Variants in ALK observed in about 807,000 individuals in gnomAD.
ALK encodes ALK tyrosine kinase receptor.
ALK carries 74 observed loss-of-function variants against 163.1 expected under a neutral mutation model. The ratio of observed to expected loss-of-function variants is 0.45; its 90% CI spans 0.38 to 0.55. The LOEUF is 0.55. Among genes scored for constraint, ALK ranks in the 20% least tolerant of loss-of-function variants. The pLI, the probability that ALK is intolerant of heterozygous loss-of-function variation, is 0.00. For missense variants in ALK, 2,063 were observed against 2,105.3 expected (o/e 0.98, Z 0.39); for synonymous variants, 960 against 843.2 (o/e 1.14, Z -2.40).
intron 3 of ALK, among the ~76,000 whole-genome samples, chr2:29,631,325 T>G (rs913228538): frequency 1.3e-5 from 2 of 152,272 alleles, no homozygotes; most frequent in African/African-American, 4.8e-5. Context: ...CACATCAGAT[T>G]AGAGCTGTAA....
intron 5 of ALK, among the ~76,000 whole-genome samples, chr2:29,368,190 T>C (rs1219130450): frequency 6.6e-6 from 1 of 152,188 alleles, no homozygotes; most frequent in Non-Finnish European, 1.5e-5. Flanking sequence ...TTGCTTGAGC[T>C]TGCCAGAGCT....
intron 4 of ALK, among the ~76,000 whole-genome samples, chr2:29,469,198 T>C (rs1364404178): frequency 6.6e-6 from 1 of 152,104 alleles, no homozygotes; most frequent in Non-Finnish European, 1.5e-5. Flanking sequence ...ACCTGGTCAA[T>C]GAGATAATGA....
intron 5 of ALK, among the ~76,000 whole-genome samples, chr2:29,336,301 G>C (rs1399018417): frequency 6.6e-6 from 1 of 152,160 alleles, no homozygotes; most frequent in Non-Finnish European, 1.5e-5. Flanking sequence ...TAGAGTTAGT[G>C]TCGACTTTAT....
chr2:29,533,976 T>C (rs1458038042), intron 3 of ALK, among the ~76,000 whole-genome samples: 3 of 152,020 alleles, frequency 2.0e-5, no homozygotes, highest in Non-Finnish European at 2.9e-5. Flanking sequence ...GAATGGACTG[T>C]GCAAAAGTTG....
intron 4 of ALK, among the ~76,000 whole-genome samples, chr2:29,501,380 G>A (rs552851931): frequency 3.9e-5 from 6 of 152,266 alleles, no homozygotes; most frequent in Admixed American, 6.5e-5. Context: ...AAAGCCAAAG[G>A]CCTTTGCACA....
intron 1 of ALK, among the ~76,000 whole-genome samples, chr2:29,724,763 A>G (rs1054732160): frequency 3.9e-5 from 6 of 152,134 alleles, no homozygotes; most frequent in Admixed American, 3.9e-4. Context: ...ATTTTCTTCC[A>G]GCTGGCTCAT....
rs771511785 is a variant in ALK, at chr2:29,251,137, C to T, written c.2172G>A (p.Gln724=). ...VGSEGPLKGI[Q]IWKVPATDTY... is the part of the protein sequence containing the mutation. ...TGTCGGTGGCTGGCACCTTCCAGATCTGGATGCCTTTCAGGGGGCCCTCGC... is the reference window on the plus strand; with the variant it reads ...TGTCGGTGGCTGGCACCTTCCAGATTTGGATGCCTTTCAGGGGGCCCTCGC... The change falls in exon 12 of 29, where the codon CAG becomes CAA. Residue 724 remains glutamine, a synonymous_variant. Coordinates refer to ENST00000389048, the MANE Select transcript of ALK (RefSeq NM_004304.5). 1 of 1,614,126 alleles carries T rather than the reference C, an allele frequency of 6.2e-7. No individual in the cohort carries two copies. The highest frequency in any genetic ancestry group is 8.5e-7 in the Non-Finnish European group (1 of 1,180,022).
chr2:29,779,563 C>G (rs769365270), intron 1 of ALK, among the ~76,000 whole-genome samples: 1 of 152,188 alleles, frequency 6.6e-6, no homozygotes, highest in Admixed American at 6.5e-5. Context: ...GCATCATTCT[C>G]TCTGCAGAAT....
chr2:29,537,556 A>C (rs1673293297), intron 3 of ALK, among the ~76,000 whole-genome samples: 2 of 152,368 alleles, frequency 1.3e-5, no homozygotes, highest in African/African-American at 4.8e-5. Context: ...ACTGGGGCAG[A>C]GCCCTGGCAA....
intron 2 of ALK, among the ~76,000 whole-genome samples, chr2:29,696,919 T>C (rs1678583125): frequency 6.7e-6 from 1 of 148,782 alleles, no homozygotes. Context: ...TGCTTGCCCT[T>C]TTCCCTAAAA....
At chr2:29,233,317 A>T (rs1174805583) in intron 14 of ALK, among the ~76,000 whole-genome samples, 4 of 152,030 alleles carry the variant, frequency 2.6e-5, no homozygotes, top group Non-Finnish European at 2.9e-5. Context: ...TAATTTTTAA[A>T]TTTTTTTTGG....
intron 4 of ALK, among the ~76,000 whole-genome samples, chr2:29,447,113 C>T (rs547003497): frequency 6.3e-4 from 96 of 152,288 alleles, no homozygotes; most frequent in Middle Eastern, 3.4e-3. Context: ...GCTGGGGCCT[C>T]GTCTCCTGGC....
chr2:29,766,030 C>T (rs1680852455), intron 1 of ALK, among the ~76,000 whole-genome samples: 1 of 152,182 alleles, frequency 6.6e-6, no homozygotes, highest in African/African-American at 2.4e-5. Flanking sequence ...GTAACACACT[C>T]TTTAAAGTCT....
intron 4 of ALK, among the ~76,000 whole-genome samples, chr2:29,419,017 C>A (rs1669951125): frequency 6.6e-6 from 1 of 151,246 alleles, no homozygotes; most frequent in Non-Finnish European, 1.5e-5. Context: ...ATCCTATATT[C>A]TTGTGCGGAA....
chr2:29,716,177 C>T (rs1364292170), intron 2 of ALK, among the ~76,000 whole-genome samples: 2 of 152,138 alleles, frequency 1.3e-5, no homozygotes, highest in Non-Finnish European at 2.9e-5. Flanking sequence ...TCTAGAACTC[C>T]GTGCCACACC....
At chr2:29,497,011 C>T (rs774958183) in intron 4 of ALK, among the ~76,000 whole-genome samples, 10 of 152,222 alleles carry the variant, frequency 6.6e-5, no homozygotes, top group Non-Finnish European at 1.0e-4. Flanking sequence ...TGGCTCACGC[C>T]TGTAATCCCA....
intron 3 of ALK, among the ~76,000 whole-genome samples, chr2:29,569,712 A>T (rs1674301348): frequency 6.6e-6 from 1 of 152,206 alleles, no homozygotes; most frequent in African/African-American, 2.4e-5. Flanking sequence ...TTCCACCATC[A>T]ACTGACTAAC....
chr2:29,333,764 G>A (rs1034971778), intron 5 of ALK, among the ~76,000 whole-genome samples: 1 of 151,924 alleles, frequency 6.6e-6, no homozygotes, highest in African/African-American at 2.4e-5. Context: ...ATAGAGGTGT[G>A]CAGCACCATG....
chr2:29,220,780 G>A lies in ALK; in HGVS notation c.3571C>T (p.Pro1191Ser), dbSNP rs2148166559. Reference sequence around the variant, plus strand: ...ATGAGCTCCAGCAGGATGAACCGGGGCAGGGATTGCAGGCTCACCCCAATG... The same window carrying A: ...ATGAGCTCCAGCAGGATGAACCGGGACAGGGATTGCAGGCTCACCCCAATG... ...RCIGVSLQSL[P>S]RFILLELMAG... The change falls in exon 23 of 29, where the codon CCC (proline) becomes TCC (serine). Residue 1191 changes from proline (P) to serine (S), a missense_variant. Pro to Ser is a moderately conservative substitution (Grantham distance 74). Coordinates refer to ENST00000389048, the MANE Select transcript of ALK (RefSeq NM_004304.5). 1 of 1,614,110 alleles carries A rather than the reference G, an allele frequency of 6.2e-7. No individual in the cohort carries two copies. The highest frequency in any genetic ancestry group is 1.1e-5 in the South Asian group (1 of 91,072).
Sources: allele counts gnomAD v4.1 joint callset (sites outside exome capture counted in the v4.1 genomes callset), GRCh38; gene constraint gnomAD v4.1.1; transcripts MANE v1.5; gene names NCBI Gene and HGNC (gene_info 2026-07-23, HGNC 2026-07-21).